Variants in DPP10 observed in about 807,000 individuals in gnomAD.
DPP10 encodes dipeptidyl peptidase like 10.
In DPP10, 33 loss-of-function variants were observed where a neutral mutation model predicts 120.9. That is an observed-to-expected ratio of 0.27 (90% confidence interval 0.21 to 0.37). DPP10 has a LOEUF of 0.37. Ranked by LOEUF, DPP10 falls within the 10% of genes least tolerant of loss-of-function variation. DPP10 has a pLI of 1.00. For missense variants in DPP10, 816 were observed against 942.8 expected (o/e 0.87, Z 1.76); for synonymous variants, 337 against 326.1 (o/e 1.03, Z -0.36).
rs113561073 is a variant in DPP10 at position 114,931,849 on chromosome 2, G to GCTC, written c.61-377390_61-377389insCTC. On this transcript the variant is annotated intron_variant, in intron 1 of 25. Coordinates refer to ENST00000410059, the MANE Select transcript of DPP10 (RefSeq NM_020868.6). ...TGTTGGAGGTCCAGTTAAATTTAAA[G>GCTC]TTCAAATAAAGAACAAATAACTTTT... is the stretch of plus-strand genomic sequence containing the variant. Among the ~76,000 whole-genome samples the GCTC allele has an allele frequency of 5.9e-3, 897 of 152,316 alleles. 10 individuals carry two copies. Among genetic ancestry groups the GCTC allele is most frequent in the Middle Eastern group, 0.031 (9 of 294 alleles).
At chr2:115,769,867 A>T (rs1681244420) in intron 13 of DPP10, among the ~76,000 whole-genome samples, 1 of 152,204 alleles carries the variant, frequency 6.6e-6, no homozygotes, top group Non-Finnish European at 1.5e-5. Context: ...TTTGGCCCCT[A>T]AAATATCACA....
At chr2:115,663,400 G>A (rs1278791427) in intron 5 of DPP10, among the ~76,000 whole-genome samples, 1 of 152,042 alleles carries the variant, frequency 6.6e-6, no homozygotes, top group African/African-American at 2.4e-5. Context: ...CATGGTATTC[G>A]GGTCTGTTTT....
intron 3 of DPP10, among the ~76,000 whole-genome samples, chr2:115,452,928 G>A (rs969726031): frequency 3.3e-5 from 5 of 151,794 alleles, no homozygotes; most frequent in Admixed American, 6.6e-5. Context: ...TTCCCTTATG[G>A]AGATGACAAT....
chr2:115,844,543 A>C lies in DPP10; in HGVS notation c.*2198A>C, dbSNP rs939928856. On this transcript the variant is annotated 3_prime_UTR_variant, in exon 26 of 26. Transcript: ENST00000410059. ...AAATGTTAATCCCTGCGATTCTTTG[A>C]GTTTTAATGACAGGGTCATTTTCAG... The C allele has an allele frequency of 2.6e-5, 4 of 152,348 alleles. No individual in the cohort carries two copies. Among genetic ancestry groups the C allele is most frequent in the African/African-American group, 9.6e-5 (4 of 41,554 alleles). The allele number at this position is 152,348 out of a possible 1,614,324, so 9.4% of individuals were successfully genotyped here. A position where few individuals can be genotyped will look rare whatever the true frequency, so the allele number is the denominator to read the frequency against.
intron 1 of DPP10, among the ~76,000 whole-genome samples, chr2:114,984,184 T>A (rs1700260099): frequency 1.3e-5 from 2 of 152,152 alleles, no homozygotes; most frequent in Admixed American, 1.3e-4. Context: ...CTGCCACAAG[T>A]GATAGACTAT....
intron 1 of DPP10, among the ~76,000 whole-genome samples, chr2:114,899,975 C>A (rs1334129640): frequency 6.6e-6 from 1 of 152,110 alleles, no homozygotes; most frequent in Non-Finnish European, 1.5e-5. Context: ...AACAAACAAA[C>A]AAAAAAGATT....
intron 1 of DPP10, among the ~76,000 whole-genome samples, chr2:114,888,150 A>G (rs1692229041): frequency 1.3e-5 from 2 of 151,734 alleles, no homozygotes; most frequent in Non-Finnish European, 2.9e-5. Flanking sequence ...CTCAAAAAAA[A>G]AAAAAAAAAA....
intron 1 of DPP10, among the ~76,000 whole-genome samples, chr2:114,923,977 G>A (rs1376233266): frequency 6.6e-6 from 1 of 152,008 alleles, no homozygotes. Flanking sequence ...TCCTCCCTTA[G>A]GCTCTCAAAA....
chr2:114,705,171 C>T lies in DPP10; in HGVS notation c.60+262333C>T, dbSNP rs564519685. On this transcript the variant is annotated intron_variant, in intron 1 of 25. Transcript: ENST00000410059. ...TACAATGGAAGAAAATTGAAAGCCACATTGAGCTGGACCTCTTCATAGACC... is the reference window on the plus strand; with the variant it reads ...TACAATGGAAGAAAATTGAAAGCCATATTGAGCTGGACCTCTTCATAGACC... 2.6e-5 allele frequency among the ~76,000 whole-genome samples: 4 copies of T among 152,276 alleles called. No individual in the cohort carries two copies. In the South Asian group the frequency reaches 6.2e-4, roughly 24 times the overall value.
intron 1 of DPP10, among the ~76,000 whole-genome samples, chr2:114,514,691 GA>G (rs923942653): frequency 2.6e-5 from 4 of 152,032 alleles, no homozygotes; most frequent in African/African-American, 7.2e-5. Context: ...AGAAGAGTGG[GA>G]AAGGCCTTTC....
intron 5 of DPP10, among the ~76,000 whole-genome samples, chr2:115,603,300 G>C (rs1203899593): frequency 6.6e-6 from 1 of 151,744 alleles, no homozygotes; most frequent in African/African-American, 2.4e-5. Flanking sequence ...TGTGAATTGT[G>C]ACTTGGAACA....
intron 1 of DPP10, among the ~76,000 whole-genome samples, chr2:115,003,176 T>TAAAAAAA (rs140794959): frequency 3.0e-5 from 4 of 134,382 alleles, no homozygotes; most frequent in African/African-American, 5.5e-5. Context: ...TATGTAGCTA[T>TAAAAAAA]AAAAAAAAAA....
At chr2:115,652,640 A>C in intron 5 of DPP10, among the ~76,000 whole-genome samples, 1 of 151,976 alleles carries the variant, frequency 6.6e-6, no homozygotes, top group East Asian at 1.9e-4. Flanking sequence ...ACAATGATTT[A>C]AGTTTATAGA....
At chr2:115,027,171 T>C (rs2105216880) in intron 1 of DPP10, among the ~76,000 whole-genome samples, 1 of 152,304 alleles carries the variant, frequency 6.6e-6, no homozygotes, top group South Asian at 2.1e-4. Flanking sequence ...TGCTGGTTTT[T>C]ATATGTTGGT....
At chr2:114,745,515 G>A (rs1678497700) in intron 1 of DPP10, among the ~76,000 whole-genome samples, 1 of 152,018 alleles carries the variant, frequency 6.6e-6, no homozygotes, top group South Asian at 2.1e-4. Flanking sequence ...TGCACAGAGA[G>A]CAAAAAGAAA....
At chr2:115,673,448 A>T (rs2090056834) in intron 5 of DPP10, among the ~76,000 whole-genome samples, 1 of 152,232 alleles carries the variant, frequency 6.6e-6, no homozygotes, top group Non-Finnish European at 1.5e-5. Context: ...GCAATTGCTA[A>T]TTAAAAGTTT....
At chr2:115,025,062 A>C (rs907049854) in intron 1 of DPP10, among the ~76,000 whole-genome samples, 4 of 147,950 alleles carry the variant, frequency 2.7e-5, no homozygotes, top group African/African-American at 9.9e-5. Flanking sequence ...CAATAGATTA[A>C]TGTTAACTAT....
chr2:115,067,753 C>T (rs1707017446), intron 1 of DPP10, among the ~76,000 whole-genome samples: 1 of 147,308 alleles, frequency 6.8e-6, no homozygotes. Context: ...GTCCCAGCTA[C>T]TCGGGAGGCT....
At chr2:115,011,702 A>C (rs182101502) in intron 1 of DPP10, among the ~76,000 whole-genome samples, 67 of 152,284 alleles carry the variant, frequency 4.4e-4, no homozygotes, top group African/African-American at 1.6e-3. Context: ...GGAGGAACAG[A>C]GCAGGATGTG....
Sources: gnomAD v4.1 joint callset for allele counts (sites outside exome capture counted in the v4.1 genomes callset) on GRCh38, gnomAD v4.1.1 for gene constraint, MANE v1.5 for transcripts, NCBI Gene and HGNC (gene_info 2026-07-23, HGNC 2026-07-21) for gene names.